The following TUSC3 variants were observed in gnomAD, a reference collection of about 807,000 sequenced individuals.
TUSC3 encodes the protein dolichyl-diphosphooligosaccharide--protein glycosyltransferase subunit TUSC3.
In TUSC3, 45 loss-of-function variants were observed where a neutral mutation model predicts 44.8. That is an observed-to-expected ratio of 1.00 (90% confidence interval 0.79 to 1.29). The LOEUF (loss-of-function observed/expected upper bound fraction) is 1.29, where lower values mean the gene tolerates loss of function less well. Among genes scored for constraint, TUSC3 ranks in the 50% most tolerant of loss-of-function variants. The probability of loss-of-function intolerance (pLI) is 0.00; values close to 1 mark genes in which losing one functional copy is unlikely to be tolerated. For synonymous variants in TUSC3, 212 were observed against 152.9 expected, an observed-to-expected ratio of 1.39 and a Z score of -2.85; for missense variants, 519 against 437.9, an observed-to-expected ratio of 1.19 and a Z score of -1.65.
chr8:15,835,642 A>C, the TUSC3 span, among the ~76,000 whole-genome samples: 1 of 152,130 alleles, frequency 6.6e-6, no homozygotes, highest in East Asian at 1.9e-4. Flanking sequence ...ATTATAATTT[A>C]TGGAATTTTT....
the TUSC3 span, among the ~76,000 whole-genome samples, chr8:15,839,779 G>A: frequency 6.6e-6 from 1 of 152,180 alleles, no homozygotes; most frequent in Non-Finnish European, 1.5e-5. Flanking sequence ...ACTGTTGGTA[G>A]GAATGTAAAC....
chr8:15,714,792 A>G (rs538190228), intron 6 of TUSC3, among the ~76,000 whole-genome samples: 5 of 152,306 alleles, frequency 3.3e-5, no homozygotes, highest in Admixed American at 6.5e-5. Flanking sequence ...AACCCAGAGA[A>G]TGTCTGAAGT....
intron 1 of TUSC3, among the ~76,000 whole-genome samples, chr8:15,583,875 A>C (rs1264845399): frequency 1.3e-5 from 2 of 152,236 alleles, no homozygotes; most frequent in Non-Finnish European, 2.9e-5. Flanking sequence ...ATCTTTCTTA[A>C]AATGAGGATG....
At chr8:15,439,428 G>T (rs912987587) in intron 1 of TUSC3, among the ~76,000 whole-genome samples, 5 of 152,176 alleles carry the variant, frequency 3.3e-5, no homozygotes, top group African/African-American at 1.2e-4. Flanking sequence ...GTTGTAGGAT[G>T]TTCCTGTAGT....
chr8:15,642,951 A>T (rs1364919189), intron 2 of TUSC3, among the ~76,000 whole-genome samples: 1 of 152,150 alleles, frequency 6.6e-6, no homozygotes, highest in South Asian at 2.1e-4. Context: ...TATTATAATC[A>T]TATGTAGTAG....
the TUSC3 span, chr8:15,806,653 G>T: frequency 8.3e-7 from 1 of 1,204,306 alleles, no homozygotes; most frequent in Admixed American, 1.7e-5. Flanking sequence ...GCTCTGGTGA[G>T]ACAAGCTGCC....
intron 2 of TUSC3, among the ~76,000 whole-genome samples, chr8:15,510,960 A>G (rs955279722): frequency 1.3e-5 from 2 of 152,198 alleles, no homozygotes. Context: ...TTAGCAAACT[A>G]AAAAGGAAAA....
At chr8:15,821,598 G>T in the TUSC3 span, among the ~76,000 whole-genome samples, 1 of 148,186 alleles carries the variant, frequency 6.7e-6, no homozygotes, top group African/African-American at 2.5e-5. Flanking sequence ...TTTTTTTTAG[G>T]AGTTTTATCT....
chr8:15,737,448 T>C (rs1228865652), intron 7 of TUSC3, among the ~76,000 whole-genome samples: 1 of 152,182 alleles, frequency 6.6e-6, no homozygotes, highest in Non-Finnish European at 1.5e-5. Flanking sequence ...AAATAGCAGC[T>C]TTTTTATGTG....
chr8:15,498,938 A>T (rs1380255848), intron 2 of TUSC3, among the ~76,000 whole-genome samples: 1 of 152,206 alleles, frequency 6.6e-6, no homozygotes, highest in Non-Finnish European at 1.5e-5. Flanking sequence ...TTGAATTCTC[A>T]ACTGATACAG....
chr8:15,477,886 A>G (rs1215605797), intron 1 of TUSC3, among the ~76,000 whole-genome samples: 1 of 152,046 alleles, frequency 6.6e-6, no homozygotes, highest in Non-Finnish European at 1.5e-5. Context: ...CTATTTTCCA[A>G]CTAGGCTCCA....
intron 1 of TUSC3, among the ~76,000 whole-genome samples, chr8:15,422,177 A>G (rs896792701): frequency 6.6e-6 from 1 of 152,196 alleles, no homozygotes; most frequent in African/African-American, 2.4e-5. Flanking sequence ...TACAGATACT[A>G]TGGTTTTTTA....
chr8:15,595,336 C>T (rs985865617), intron 1 of TUSC3, among the ~76,000 whole-genome samples: 1 of 152,092 alleles, frequency 6.6e-6, no homozygotes, highest in Non-Finnish European at 1.5e-5. Flanking sequence ...CTTTAGTACT[C>T]TGCCCTGTGA....
In TUSC3 at chr8:15,764,722, G is replaced by C. The variant is rs536053560; in HGVS notation, c.*566G>C. The C allele has an allele frequency of 2.0e-5, 3 of 153,790 alleles. No homozygotes were observed. Among genetic ancestry groups the C allele is most frequent in the African/African-American group, 7.2e-5 (3 of 41,536 alleles). 9.5% of individuals were successfully genotyped at this position (153,790 alleles called of 1,614,324 possible). A position where few individuals can be genotyped will look rare whatever the true frequency, so the allele number is the denominator to read the frequency against. On this transcript the variant is annotated 3_prime_UTR_variant, in exon 11 of 11. Coordinates refer to ENST00000503731, the MANE Select transcript of TUSC3 (RefSeq NM_006765.4). Reference sequence around the variant, plus strand: ...ATAAAGGTATATAGGACAGGGAACTGGATGAATGGTACCTACAATTTGGAT... The same window carrying C: ...ATAAAGGTATATAGGACAGGGAACTCGATGAATGGTACCTACAATTTGGAT...
At chr8:15,436,345 G>C (rs765111019) in intron 1 of TUSC3, among the ~76,000 whole-genome samples, 1 of 152,190 alleles carries the variant, frequency 6.6e-6, no homozygotes, top group Non-Finnish European at 1.5e-5. Flanking sequence ...GAGCATGTGG[G>C]ATGGAATGTC....
chr8:15,512,931 C>CAT (rs10696221), intron 2 of TUSC3, among the ~76,000 whole-genome samples: 4,713 of 110,332 alleles, frequency 0.043, 237 homozygotes, highest in African/African-American at 0.11. Flanking sequence ...TATATATAAT[C>CAT]ATATATATAT....
chr8:15,530,881 C>T (rs911949547), intron 2 of TUSC3, among the ~76,000 whole-genome samples: 6 of 152,108 alleles, frequency 3.9e-5, no homozygotes, highest in African/African-American at 9.7e-5. Context: ...AGCTCCTGAC[C>T]GTAAACTCAG....
In TUSC3 at chr8:15,499,435, G is replaced by A. The variant is rs182860791; in HGVS notation, n.189+15952G>A. Among the ~76,000 whole-genome samples, 513 of 152,064 alleles carry A rather than the reference G, an allele frequency of 3.4e-3. 3 individuals are homozygous for A. Among genetic ancestry groups the A allele is most frequent in the African/African-American group, 0.012 (479 of 41,504 alleles). ...ATATCCATTTCCAGTCACACTCCAC[G>A]CCTCTGACCTCAGCAATCAGGTAAT... On this transcript the variant is annotated intron_variant and non_coding_transcript_variant, in intron 2 of 5. Transcript: ENST00000503191.
intron 1 of TUSC3, among the ~76,000 whole-genome samples, chr8:15,544,402 ATAAT>A (rs1180237809): frequency 1.3e-5 from 2 of 151,774 alleles, no homozygotes; most frequent in East Asian, 1.9e-4. Flanking sequence ...AGCTGTTATA[ATAAT>A]TAATTTATCT....
Sources: gnomAD v4.1 joint callset for allele counts (sites outside exome capture counted in the v4.1 genomes callset) on GRCh38, gnomAD v4.1.1 for gene constraint, MANE v1.5 for transcripts, NCBI Gene and HGNC (gene_info 2026-07-23, HGNC 2026-07-21) for gene names.